CAPRIN1: variants seen among roughly 807,000 people sequenced by gnomAD.
CAPRIN1 encodes the protein cell cycle associated protein 1.
A neutral mutation model predicts 100.9 loss-of-function variants in CAPRIN1; 29 were observed. The ratio of observed to expected loss-of-function variants is 0.29; its 90% CI spans 0.21 to 0.39. The LOEUF (loss-of-function observed/expected upper bound fraction) is 0.39, where lower values mean the gene tolerates loss of function less well. Ranked by LOEUF, CAPRIN1 falls within the 10% of genes least tolerant of loss-of-function variation. The pLI is 1.00. For synonymous variants in CAPRIN1, 338 were observed against 307.5 expected (o/e 1.10, Z -1.04); for missense variants, 795 against 876.7 (o/e 0.91, Z 1.18).
At position 34,090,541 on chromosome 11, in the gene CAPRIN1, T is replaced by G. The variant is rs749901818; in HGVS notation, c.1417T>G (p.Leu473Val). 6 of 1,614,016 alleles carry G rather than the reference T, an allele frequency of 3.7e-6. No individual in the cohort carries two copies. The highest frequency in any genetic ancestry group is 5.1e-6 in the Non-Finnish European group (6 of 1,179,928). The change falls in exon 14 of 19, where the codon TTA (leucine) becomes GTA (valine). Residue 473 changes from leucine (L) to valine (V), a missense_variant. Coordinates refer to ENST00000341394, the MANE Select transcript of CAPRIN1 (RefSeq NM_005898.5). ...PIDQIQATIS[L>V]NTDQTTASSS... ...ACTTTGTGTTTAGGCAACAATCTCT[T>G]TAAATACAGACCAGACTACAGCATC...
rs566063168 is a variant in CAPRIN1, at chr11:34,099,048, T to C, written c.2066-255T>C. On this transcript the variant is annotated intron_variant, in intron 18 of 18. Coordinates refer to ENST00000341394, the MANE Select transcript of CAPRIN1 (RefSeq NM_005898.5). ...ATAGTAGGCACTCAATAAATATTTG[T>C]TGAATGAATGAATGAATGAGTACTG... is the stretch of plus-strand genomic sequence containing the variant. 28 of 1,362,974 alleles carry C rather than the reference T, an allele frequency of 2.1e-5. No individual in the cohort carries two copies. In the South Asian group the frequency reaches 4.7e-4, roughly 23 times the overall value. 84.4% of individuals were successfully genotyped at this position (1,362,974 alleles called of 1,614,324 possible).
rs1322289677 is a variant in CAPRIN1, at chr11:34,086,169, C to A, written c.1072C>A (p.Arg358=). Residue 358 remains arginine (R), a synonymous_variant, in exon 10 of 19, where the codon CGA becomes AGA. Coordinates refer to ENST00000341394, the MANE Select transcript of CAPRIN1 (RefSeq NM_005898.5). The stretch of plus-strand genomic sequence containing the variant: ...GGCAGATCCCCTTGTGAGAAGACAG[C>A]GAGTACAAGACCTTATGGCACAAAT... ...AQADPLVRRQ[R]VQDLMAQMQG... 1.2e-6 allele frequency: 2 copies of A among 1,613,866 alleles called. No homozygotes were observed. The highest frequency in any genetic ancestry group is 1.3e-5 in the African/African-American group (1 of 74,902).
Position 34,076,703 on chromosome 11 carries a change from T to C in CAPRIN1, c.688+61T>C, listed in dbSNP as rs1317837617. 3 of 1,205,362 alleles carry C rather than the reference T, an allele frequency of 2.5e-6. No homozygotes were observed. The East Asian group carries it at 7.1e-5, about 28-fold the overall frequency. The allele number at this position is 1,205,362 out of a possible 1,614,324, so 74.7% of individuals were successfully genotyped here. A position where few individuals can be genotyped will look rare whatever the true frequency, so the allele number is the denominator to read the frequency against. On this transcript the variant is annotated intron_variant, in intron 6 of 18. Transcript: ENST00000341394. ...AGGAATCTTTAAAAACTAATTTTCT[T>C]ATGTTTATAGTTCACTTGGAAGAAA...
chr11:34,093,274 C>G (rs1029108965), intron 15 of CAPRIN1, among the ~76,000 whole-genome samples: 1 of 151,640 alleles, frequency 6.6e-6, no homozygotes, highest in African/African-American at 2.4e-5. Context: ...GATACTGGAG[C>G]CTTTAACTCT....
At chr11:34,057,868 G>A (rs373961300) in intron 2 of CAPRIN1, among the ~76,000 whole-genome samples, 9 of 151,830 alleles carry the variant, frequency 5.9e-5, no homozygotes, top group Non-Finnish European at 1.0e-4. Context: ...ACAGGCGCCC[G>A]CCACCACGCC....
chr11:34,075,897 A>G (rs1297337527), intron 4 of CAPRIN1, among the ~76,000 whole-genome samples: 1 of 152,222 alleles, frequency 6.6e-6, no homozygotes, highest in Non-Finnish European at 1.5e-5. Context: ...TTGTATATTT[A>G]TCATCTCATG....
chr11:34,063,088 C>G (rs1048006693), intron 2 of CAPRIN1: 1 of 152,130 alleles, frequency 6.6e-6, no homozygotes, highest in Non-Finnish European at 1.5e-5. Context: ...ATGGATATCC[C>G]TCTTCTGGCA....
At chr11:34,052,299 C>G in intron 1 of CAPRIN1, 122 bp from the exon 2 acceptor site, 2 of 838,766 alleles carry the variant, frequency 2.4e-6, no homozygotes, top group South Asian at 1.6e-5. Flanking sequence ...CCCCCTCCCC[C>G]ACCCGCTCGC....
At chr11:34,097,667 C>G in intron 17 of CAPRIN1, 31 bp from the exon 18 acceptor site, 1 of 1,613,092 alleles carries the variant, frequency 6.2e-7, no homozygotes, top group Non-Finnish European at 8.5e-7. Context: ...TTAAAAAGTA[C>G]CTTTTCAATA....
chr11:34,090,792 A>G (rs1851248878), intron 14 of CAPRIN1, 114 bp downstream of exon 14: 1 of 809,482 alleles, frequency 1.2e-6, no homozygotes, highest in South Asian at 1.8e-5. Context: ...TCTTTCATTA[A>G]CTGTAGGGTA....
At position 34,065,553 on chromosome 11, in the gene CAPRIN1, A is replaced by G. The variant is rs1008155112; in HGVS notation, c.217-6173A>G. ...TGCTGATGTTGCTGGTTTGGGGCCT[A>G]CAGTTTTAAAAATCACTGACGTAAA... On this transcript the variant is annotated intron_variant, in intron 2 of 18. Transcript: ENST00000341394. Among the ~76,000 whole-genome samples the G allele has an allele frequency of 4.6e-5, 7 of 152,292 alleles. No homozygotes were observed. In the East Asian group the frequency reaches 5.8e-4, roughly 13 times the overall value.
chr11:34,089,479 C>T (rs376992124), intron 12 of CAPRIN1, 23 bp downstream of exon 12: 138 of 1,470,478 alleles, frequency 9.4e-5, no homozygotes, highest in Middle Eastern at 5.2e-4. Flanking sequence ...AAACTATTTT[C>T]TTCAGGGCCA....
At chr11:34,096,267 G>A in intron 15 of CAPRIN1, 1 of 440,550 alleles carries the variant, frequency 2.3e-6, no homozygotes, top group Non-Finnish European at 4.0e-6. Context: ...TTGGAATTGT[G>A]GTTGGAGAAT....
At chr11:34,078,099 A>G (rs1850940683) in intron 6 of CAPRIN1, among the ~76,000 whole-genome samples, 1 of 152,142 alleles carries the variant, frequency 6.6e-6, no homozygotes, top group Non-Finnish European at 1.5e-5. Context: ...GAAAGGTACT[A>G]ATCTTTATAA....
chr11:34,079,901 C>G, intron 7 of CAPRIN1, 136 bp downstream of exon 7: 1 of 466,986 alleles, frequency 2.1e-6, no homozygotes, highest in Non-Finnish European at 3.4e-6. Context: ...TTAAGCATGA[C>G]AAAGTTTTTT....
At chr11:34,079,111 A>C (rs1012241116) in intron 6 of CAPRIN1, among the ~76,000 whole-genome samples, 2 of 152,238 alleles carry the variant, frequency 1.3e-5, no homozygotes, top group African/African-American at 4.8e-5. Context: ...TTTACTTAAA[A>C]TACATAAAGT....
At chr11:34,082,747 C>T in intron 7 of CAPRIN1, 78 bp from the exon 8 acceptor site, 1 of 980,412 alleles carries the variant, frequency 1.0e-6, no homozygotes, top group Non-Finnish European at 1.6e-6. Context: ...TGACGTGTAT[C>T]TACCAATATC....
chr11:34,064,986 G>A (rs1279759693), intron 2 of CAPRIN1, among the ~76,000 whole-genome samples: 1 of 115,690 alleles, frequency 8.6e-6, no homozygotes, highest in African/African-American at 3.4e-5. Context: ...TTGAGATGGA[G>A]TCTCGCTCTG....
intron 4 of CAPRIN1, among the ~76,000 whole-genome samples, chr11:34,075,639 T>C (rs1180455344): frequency 6.6e-6 from 1 of 152,212 alleles, no homozygotes; most frequent in Non-Finnish European, 1.5e-5. Context: ...GGCATTTCCT[T>C]GTGAGTCATT....
Sources: allele counts gnomAD v4.1 joint callset (sites outside exome capture counted in the v4.1 genomes callset), GRCh38; gene constraint gnomAD v4.1.1; transcripts MANE v1.5; gene names NCBI Gene and HGNC (gene_info 2026-07-23, HGNC 2026-07-21).